Variants in CUX1 observed in about 807,000 individuals in gnomAD.
The protein encoded by CUX1 is protein CASP.
A neutral mutation model predicts 158.8 loss-of-function variants in CUX1; 31 were observed. That is an observed-to-expected ratio of 0.20 (90% confidence interval 0.15 to 0.26). The LOEUF is 0.26. Ranked by LOEUF, CUX1 falls within the 10% of genes least tolerant of loss-of-function variation. The pLI, the probability that CUX1 is intolerant of heterozygous loss-of-function variation, is 1.00. For synonymous variants in CUX1, 879 were observed against 862.1 expected (o/e 1.02, Z -0.34); for missense variants, 1,589 against 2,014.6 (o/e 0.79, Z 4.04).
intron 21 of CUX1, among the ~76,000 whole-genome samples, chr7:102,229,108 T>C (rs1355781668): frequency 6.6e-6 from 1 of 152,180 alleles, no homozygotes; most frequent in Non-Finnish European, 1.5e-5. Context: ...GCCATCTCCA[T>C]TTCACAGCCC....
At chr7:102,149,399 GCCCA>G (rs1423599322) in intron 8 of CUX1, among the ~76,000 whole-genome samples, 1 of 123,270 alleles carries the variant, frequency 8.1e-6, no homozygotes. Flanking sequence ...GGGGGTCCCT[GCCCA>G]CCCACCCACC....
intron 12 of CUX1, among the ~76,000 whole-genome samples, chr7:102,191,476 A>G (rs1794267086): frequency 6.6e-6 from 1 of 152,014 alleles, no homozygotes. Context: ...CAGGTGATCC[A>G]CCCACCTCAG....
At chr7:102,043,197 C>G (rs1822320849) in intron 3 of CUX1, among the ~76,000 whole-genome samples, 1 of 152,074 alleles carries the variant, frequency 6.6e-6, no homozygotes, top group African/African-American at 2.4e-5. Flanking sequence ...GCGATCCTCC[C>G]ACCTCATTCT....
At chr7:102,073,451 G>T (rs1826375671) in intron 4 of CUX1, among the ~76,000 whole-genome samples, 1 of 152,064 alleles carries the variant, frequency 6.6e-6, no homozygotes, top group Non-Finnish European at 1.5e-5. Context: ...AGGATTACAG[G>T]CGTGAGCCAC....
At chr7:101,913,442 G>A (rs773792653) in intron 1 of CUX1, 1 of 1,235,952 alleles carries the variant, frequency 8.1e-7, no homozygotes, top group Non-Finnish European at 1.1e-6. Flanking sequence ...GATCAAGGTG[G>A]GTTCACCTTG....
intron 2 of CUX1, among the ~76,000 whole-genome samples, chr7:101,948,348 A>G (rs1388936414): frequency 6.6e-6 from 1 of 152,140 alleles, no homozygotes; most frequent in Non-Finnish European, 1.5e-5. Flanking sequence ...TTAAGCGGAA[A>G]ACTGTCTGCT....
At chr7:102,236,792 A>G (rs1363100453) in intron 22 of CUX1, among the ~76,000 whole-genome samples, 1 of 152,112 alleles carries the variant, frequency 6.6e-6, no homozygotes, top group African/African-American at 2.4e-5. Context: ...GGCCCTTAGG[A>G]AAGGACCTTA....
At chr7:101,969,359 C>CAAAAAAAAAAAAAAAAAAAAAAAAAGA (rs10711703) in intron 2 of CUX1, among the ~76,000 whole-genome samples, 3 of 56,106 alleles carry the variant, frequency 5.3e-5, no homozygotes, top group Non-Finnish European at 9.6e-5. Context: ...CAAAAAACAG[C>CAAAAAAAAAAAAAAAAAAAAAAAAAGA]AAAAAAAAAA....
At position 102,227,453 on chromosome 7, in the gene CUX1, C is replaced by G. The variant is rs782819071; in HGVS notation, c.3217C>G (p.Leu1073Val). ...TGAGTCGGTGAAGAGCCTGACCGAGCTGGTCCAGCAGCCCTGTCCCCCCAT... is the reference window on the plus strand; with the variant it reads ...TGAGTCGGTGAAGAGCCTGACCGAGGTGGTCCAGCAGCCCTGTCCCCCCAT... ...SSESVKSLTE[L>V]VQQPCPPIEA... The change falls in exon 21 of 24, where the codon CTG becomes GTG. Residue 1073 changes from leucine to valine, a missense_variant. Coordinates refer to ENST00000292535, the MANE Select transcript of CUX1 (RefSeq NM_181552.4). 10 of 1,613,964 alleles carry G rather than the reference C, an allele frequency of 6.2e-6. No individual in the cohort carries two copies. The South Asian group carries it at 8.8e-5, about 14-fold the overall frequency.
chr7:102,139,756 ATCC>A (rs1441504832), intron 8 of CUX1, among the ~76,000 whole-genome samples: 2 of 152,060 alleles, frequency 1.3e-5, no homozygotes, highest in Non-Finnish European at 2.9e-5. Context: ...GGATCAAGCC[ATCC>A]TCCTGCCTCA....
intron 1 of CUX1, among the ~76,000 whole-genome samples, chr7:101,867,008 G>A (rs62463725): frequency 0.2 from 30,411 of 152,222 alleles, 3,871 homozygotes; most frequent in Non-Finnish European, 0.28. Context: ...ATCACTTGAG[G>A]TCAGGAGTTC....
At chr7:101,816,088 C>G, upstream of CUX1, 1 of 1,395,110 alleles carries the variant, frequency 7.2e-7, no homozygotes, top group Non-Finnish European at 9.5e-7. Flanking sequence ...TTTACAGCAG[C>G]TGCAGGTCAG....
intron 2 of CUX1, among the ~76,000 whole-genome samples, chr7:101,974,374 G>A (rs983862475): frequency 2.0e-5 from 3 of 152,116 alleles, no homozygotes; most frequent in East Asian, 3.8e-4. Context: ...ATCAGGAAGC[G>A]AAATAACCTG....
rs148132136 is a variant in CUX1, at chr7:101,908,197, T to C, written c.31-7918T>C. On this transcript the variant is annotated intron_variant, in intron 1 of 23. Transcript: ENST00000292535. Reference sequence around the variant, plus strand: ...TCTATGTGTATCTGTGTATTTGCAGTGACTAGATTGATTGCTGTTGATGGA... The same window carrying C: ...TCTATGTGTATCTGTGTATTTGCAGCGACTAGATTGATTGCTGTTGATGGA... 6.5e-3 allele frequency among the ~76,000 whole-genome samples: 988 copies of C among 152,324 alleles called. 16 individuals are homozygous for C. Among genetic ancestry groups the C allele is most frequent in the African/African-American group, 0.02 (827 of 41,562 alleles).
In CUX1 at chr7:101,856,182, CAAAAAAAAAAAAAAA is replaced by C. The variant is rs768518044; in HGVS notation, c.30+38523_30+38537del. Among the ~76,000 whole-genome samples, 9 of 48,048 alleles carry C rather than the reference CAAAAAAAAAAAAAAA, an allele frequency of 1.9e-4. No homozygotes were observed. In the East Asian group the frequency reaches 6.1e-3, roughly 33 times the overall value. The allele number at this position is 48,048 out of a possible 152,430, so 31.5% of individuals were successfully genotyped here. ...TGGGTGACAGAGTGAGACCCTGTCT[CAAAAAAAAAAAAAAA>C]AAAAAAAAAGGAAACAAGAAAGAAA... On this transcript the variant is annotated intron_variant, in intron 1 of 23. Transcript: ENST00000292535.
At chr7:101,938,504 G>T (rs1015204148) in intron 2 of CUX1, among the ~76,000 whole-genome samples, 2 of 152,180 alleles carry the variant, frequency 1.3e-5, no homozygotes, top group Non-Finnish European at 2.9e-5. Context: ...TGGGGGAAGA[G>T]ATTTTTTTAA....
At chr7:101,927,918 C>CCTTCCGGGAGCATCTCAGGA (rs1034313155) in intron 2 of CUX1, among the ~76,000 whole-genome samples, 1 of 152,220 alleles carries the variant, frequency 6.6e-6, no homozygotes, top group African/African-American at 2.4e-5. Flanking sequence ...GCCCTGCTTT[C>CCTTCCGGGAGCATCTCAGGA]CTTCCGGGAG....
chr7:102,126,961 T>C (rs1273817283), intron 8 of CUX1, among the ~76,000 whole-genome samples: 5 of 152,050 alleles, frequency 3.3e-5, no homozygotes, highest in African/African-American at 4.8e-5. Context: ...TCATAAGGAG[T>C]GTGCAGCCTA....
intron 1 of CUX1, among the ~76,000 whole-genome samples, chr7:101,864,747 C>T (rs1398583233): frequency 6.6e-6 from 1 of 151,846 alleles, no homozygotes; most frequent in Non-Finnish European, 1.5e-5. Flanking sequence ...GATGAGGTTT[C>T]ACCATATTGG....
Sources: allele counts gnomAD v4.1 joint callset (sites outside exome capture counted in the v4.1 genomes callset), GRCh38; gene constraint gnomAD v4.1.1; transcripts MANE v1.5; gene names NCBI Gene and HGNC (gene_info 2026-07-23, HGNC 2026-07-21).